HDAC9: variants seen among roughly 807,000 people sequenced by gnomAD.
HDAC9 encodes the protein histone deacetylase 9.
HDAC9 carries 41 observed loss-of-function variants against 139.4 expected under a neutral mutation model. The observed-to-expected ratio is 0.29, with a 90% CI of 0.23 to 0.38. The LOEUF (loss-of-function observed/expected upper bound fraction) is 0.38. Among genes scored for constraint, HDAC9 ranks in the 10% least tolerant of loss-of-function variants. HDAC9 has a pLI of 1.00. For synonymous variants in HDAC9, 517 were observed against 476.2 expected (o/e 1.09, Z -1.12); for missense variants, 1,147 against 1,297.0 (o/e 0.88, Z 1.78).
chr7:18,479,412 T>C (rs1475350046), intron 1 of HDAC9, among the ~76,000 whole-genome samples: 1 of 152,182 alleles, frequency 6.6e-6, no homozygotes, highest in African/African-American at 2.4e-5. Context: ...AGTATTGATA[T>C]ATGTAAAGCT....
intron 12 of HDAC9, among the ~76,000 whole-genome samples, chr7:18,712,163 T>C (rs1484210585): frequency 1.3e-5 from 2 of 152,162 alleles, no homozygotes; most frequent in East Asian, 3.9e-4. Flanking sequence ...TAAATTTAAA[T>C]ATAATCACAT....
intron 12 of HDAC9, among the ~76,000 whole-genome samples, chr7:18,726,298 G>C (rs1785540822): frequency 6.6e-6 from 1 of 152,172 alleles, no homozygotes; most frequent in Admixed American, 6.6e-5. Flanking sequence ...AGCCTTGAGT[G>C]AAAATACAGG....
chr7:18,554,525 C>G (rs1818195490), intron 2 of HDAC9, among the ~76,000 whole-genome samples: 1 of 151,864 alleles, frequency 6.6e-6, no homozygotes, highest in African/African-American at 2.4e-5. Flanking sequence ...TTGGTAGAGA[C>G]GGGGTTTCAC....
At chr7:18,290,540 T>G in intron 1 of HDAC9, 1 of 456,618 alleles carries the variant, frequency 2.2e-6, no homozygotes, top group Non-Finnish European at 4.4e-6. Flanking sequence ...TTTAATCTTT[T>G]AAGAGAACTG....
intron 1 of HDAC9, among the ~76,000 whole-genome samples, chr7:18,420,007 T>C (rs771276410): frequency 1.6e-4 from 25 of 152,214 alleles, no homozygotes; most frequent in Non-Finnish European, 3.2e-4. Context: ...GAATAGCCCC[T>C]GTTTTGTAAA....
intron 16 of HDAC9, among the ~76,000 whole-genome samples, chr7:18,767,701 AT>A (rs1789947337): frequency 6.6e-6 from 1 of 152,156 alleles, no homozygotes; most frequent in Admixed American, 6.6e-5. Flanking sequence ...TCAAGGACAA[AT>A]TTGTTAGAAC....
At chr7:18,942,851 G>A (rs1015485316) in intron 23 of HDAC9, among the ~76,000 whole-genome samples, 4 of 151,736 alleles carry the variant, frequency 2.6e-5, no homozygotes, top group East Asian at 1.9e-4. Context: ...AACATTTACC[G>A]GCACACCACT....
At chr7:18,195,033 A>G (rs2128154282) in intron 2 of HDAC9, among the ~76,000 whole-genome samples, 1 of 152,218 alleles carries the variant, frequency 6.6e-6, no homozygotes, top group African/African-American at 2.4e-5. Flanking sequence ...TTTTTAACTA[A>G]TATTACTTAA....
At chr7:18,703,530 A>C (rs531650716) in intron 12 of HDAC9, among the ~76,000 whole-genome samples, 46 of 152,298 alleles carry the variant, frequency 3.0e-4, no homozygotes, top group Non-Finnish European at 5.9e-4. Context: ...CTTCTGTCTG[A>C]CTTTCTTCTC....
chr7:18,596,681 C>T (rs567809818), intron 6 of HDAC9, among the ~76,000 whole-genome samples: 1 of 152,070 alleles, frequency 6.6e-6, no homozygotes, highest in African/African-American at 2.4e-5. Flanking sequence ...TAAACACCAG[C>T]CCAGCTACTG....
At chr7:18,923,582 T>A (rs1432554695) in intron 22 of HDAC9, among the ~76,000 whole-genome samples, 3 of 152,094 alleles carry the variant, frequency 2.0e-5, no homozygotes, top group African/African-American at 4.8e-5. Flanking sequence ...TCCACAATCT[T>A]GTCATCTTCT....
chr7:18,722,433 T>C (rs574365768), intron 12 of HDAC9, among the ~76,000 whole-genome samples: 2 of 152,314 alleles, frequency 1.3e-5, no homozygotes, highest in African/African-American at 4.8e-5. Context: ...GTTTGACATT[T>C]AAATTTTTCA....
In HDAC9 at chr7:18,998,867, TAAG is replaced by T. The variant is rs1563122311; in HGVS notation, c.*2806_*2808del. On this transcript the variant is annotated 3_prime_UTR_variant, in exon 26 of 26. Transcript: ENST00000686413. ...CTAGTAAATAATACTAGGAATTTAA[TAAG>T]CTGTCAAACGTAGGTATAAAAAGAA... 2.6e-5 allele frequency: 4 copies of T among 152,332 alleles called. No homozygotes were observed. In the East Asian group the frequency reaches 7.7e-4, roughly 29 times the overall value. 9.4% of individuals were successfully genotyped at this position (152,332 alleles called of 1,614,324 possible).
chr7:18,478,585 T>TAGAAA (rs1795307316), intron 1 of HDAC9, among the ~76,000 whole-genome samples: 1 of 152,290 alleles, frequency 6.6e-6, no homozygotes, highest in South Asian at 2.1e-4. Flanking sequence ...TTAAATTAAA[T>TAGAAA]AGAAAAGAAA....
rs1182004303 is a variant in HDAC9 at position 18,999,669 on chromosome 7, C to T, written c.*3607C>T. The T allele has an allele frequency of 6.6e-6, 1 of 152,142 alleles. No homozygotes were observed. Among genetic ancestry groups the T allele is most frequent in the Non-Finnish European group, 1.5e-5 (1 of 68,062 alleles). The allele number at this position is 152,142 out of a possible 1,614,324, so 9.4% of individuals were successfully genotyped here. ...GGTCAGGCTGGTCTCAAACTCCCGA[C>T]CTCAGGTGATCCGCCCGCCTCGGCC... is the stretch of plus-strand genomic sequence containing the variant. On this transcript the variant is annotated 3_prime_UTR_variant, in exon 26 of 26. Transcript: ENST00000686413.
Position 18,578,729 on chromosome 7 carries a change from C to T in HDAC9, c.23-6552C>T, listed in dbSNP as rs902225932. ...AGAAAACTTTTTAGATTCTTCAGGG[C>T]GGGTTAGTATTTCAACATGAGATGG... On this transcript the variant is annotated intron_variant, in intron 2 of 25. Coordinates refer to ENST00000686413, the MANE Select transcript of HDAC9 (RefSeq NM_178425.4). 3.3e-5 allele frequency among the ~76,000 whole-genome samples: 5 copies of T among 152,252 alleles called. No homozygotes were observed. The South Asian group carries it at 6.2e-4, about 19-fold the overall frequency.
chr7:18,683,469 C>A (rs1437722737), intron 12 of HDAC9, among the ~76,000 whole-genome samples: 1 of 152,026 alleles, frequency 6.6e-6, no homozygotes, highest in Non-Finnish European at 1.5e-5. Flanking sequence ...ACCCACAGTT[C>A]AGCAAAGGGT....
At chr7:18,117,303 G>A (rs566796028) in intron 1 of HDAC9, among the ~76,000 whole-genome samples, 16 of 151,946 alleles carry the variant, frequency 1.1e-4, no homozygotes, top group Admixed American at 9.2e-4. Flanking sequence ...TGGCTAACAC[G>A]GTGAAACCCC....
intron 2 of HDAC9, among the ~76,000 whole-genome samples, chr7:18,545,873 A>T (rs189159399): frequency 3.3e-4 from 50 of 152,332 alleles, no homozygotes; most frequent in Non-Finnish European, 5.7e-4. Flanking sequence ...CTTATATAGG[A>T]TAAAATAAGA....
Sources: gnomAD v4.1 joint callset for allele counts (sites outside exome capture counted in the v4.1 genomes callset) on GRCh38, gnomAD v4.1.1 for gene constraint, MANE v1.5 for transcripts, NCBI Gene and HGNC (gene_info 2026-07-23, HGNC 2026-07-21) for gene names.